The following WWOX variants were observed in gnomAD, a reference collection of about 807,000 sequenced individuals.
WWOX encodes WW domain containing oxidoreductase.
WWOX carries 69 observed loss-of-function variants against 46.2 expected under a neutral mutation model. That is an observed-to-expected ratio of 1.49 (90% CI 1.23 to 1.82). WWOX has a LOEUF of 1.82. Among genes scored for constraint, WWOX ranks in the 40% most tolerant of loss-of-function variants. WWOX has a pLI of 0.00. For missense variants in WWOX, 919 were observed against 542.6 expected (o/e 1.69, Z -6.89); for synonymous variants, 359 against 202.6 (o/e 1.77, Z -6.56).
intron 8 of WWOX, among the ~76,000 whole-genome samples, chr16:78,544,395 T>G (rs2043971729): frequency 6.6e-6 from 1 of 152,178 alleles, no homozygotes; most frequent in Non-Finnish European, 1.5e-5. Flanking sequence ...ACAACCTTAT[T>G]AAGTAGACAT....
intron 8 of WWOX, among the ~76,000 whole-genome samples, chr16:78,507,158 A>G (rs1232369301): frequency 6.6e-6 from 1 of 152,230 alleles, no homozygotes; most frequent in Non-Finnish European, 1.5e-5. Flanking sequence ...ACAAATGAAA[A>G]GAATCAGGAG....
chr16:78,531,741 C>G (rs150247912), intron 8 of WWOX, among the ~76,000 whole-genome samples: 2,153 of 152,002 alleles, frequency 0.014, 21 homozygotes, highest in African/African-American at 0.027. Flanking sequence ...GTCTGTAATC[C>G]CAGCTACTTG....
chr16:78,146,861 A>G (rs1003261073), intron 4 of WWOX, among the ~76,000 whole-genome samples: 1 of 152,318 alleles, frequency 6.6e-6, no homozygotes, highest in Middle Eastern at 3.4e-3. Context: ...AAGTGAGGTA[A>G]AGAGTATAAT....
chr16:78,946,323 G>A (rs544767208), intron 8 of WWOX, among the ~76,000 whole-genome samples: 14 of 152,118 alleles, frequency 9.2e-5, no homozygotes, highest in Non-Finnish European at 2.1e-4. Flanking sequence ...CCAAGTAGCT[G>A]GGATTACAGG....
intron 8 of WWOX, among the ~76,000 whole-genome samples, chr16:78,570,385 T>C (rs1284205469): frequency 6.6e-6 from 1 of 152,206 alleles, no homozygotes; most frequent in Non-Finnish European, 1.5e-5. Context: ...CATAACTCAC[T>C]GCAGCCTCGG....
chr16:78,998,424 T>C (rs2047031681), intron 8 of WWOX, among the ~76,000 whole-genome samples: 1 of 152,124 alleles, frequency 6.6e-6, no homozygotes, highest in Non-Finnish European at 1.5e-5. Context: ...CACATGTGTT[T>C]GTAGAAGGAA....
chr16:78,424,221 G>T (rs2083023641), intron 6 of WWOX, among the ~76,000 whole-genome samples: 1 of 148,472 alleles, frequency 6.7e-6, no homozygotes, highest in Non-Finnish European at 1.5e-5. Context: ...GGGTTCAAGT[G>T]ATTCTCCGGC....
chr16:78,559,807 A>G (rs1459303104), intron 8 of WWOX, among the ~76,000 whole-genome samples: 1 of 152,216 alleles, frequency 6.6e-6, no homozygotes, highest in Non-Finnish European at 1.5e-5. Flanking sequence ...CAGCCCATTC[A>G]TCTTACAGAC....
chr16:78,536,901 C>CTTTTT (rs35326105), intron 8 of WWOX, among the ~76,000 whole-genome samples: 2 of 120,058 alleles, frequency 1.7e-5, no homozygotes, highest in Admixed American at 8.8e-5. Context: ...AGAGCCAAGT[C>CTTTTT]TTTTTTTTTT....
intron 8 of WWOX, among the ~76,000 whole-genome samples, chr16:78,602,011 G>C (rs969670768): frequency 4.6e-5 from 7 of 152,140 alleles, no homozygotes; most frequent in Admixed American, 2.0e-4. Context: ...CAATGGTTTC[G>C]TATTAGGGAT....
chr16:79,196,687 G>A (rs1397980588), intron 8 of WWOX, among the ~76,000 whole-genome samples: 1 of 151,958 alleles, frequency 6.6e-6, no homozygotes, highest in Non-Finnish European at 1.5e-5. Context: ...CAGACCCCCA[G>A]GGATTCAGAT....
At chr16:78,992,800 A>C (rs905940810) in intron 8 of WWOX, among the ~76,000 whole-genome samples, 1 of 152,088 alleles carries the variant, frequency 6.6e-6, no homozygotes, top group Non-Finnish European at 1.5e-5. Flanking sequence ...GAGGGACATA[A>C]ATAGCCTCAA....
At chr16:78,200,230 T>C (rs2036189994) in intron 5 of WWOX, among the ~76,000 whole-genome samples, 1 of 152,048 alleles carries the variant, frequency 6.6e-6, no homozygotes, top group African/African-American at 2.4e-5. Context: ...AGTAGGCAGC[T>C]TAAAAATTCC....
intron 8 of WWOX, chr16:78,551,891 C>A (rs913285395): frequency 1.3e-5 from 2 of 152,188 alleles, no homozygotes; most frequent in African/African-American, 4.8e-5. Context: ...GGTGTTGTTT[C>A]TGTTATGTGG....
intron 8 of WWOX, among the ~76,000 whole-genome samples, chr16:79,019,121 G>A (rs1175461379): frequency 8.2e-6 from 1 of 122,442 alleles, no homozygotes; most frequent in Admixed American, 1.2e-4. Context: ...TCACACCACT[G>A]CCTTCTAGCC....
rs76904269 is a variant in WWOX, at chr16:79,072,840, C to G, written c.1057-138768C>G. ...TGATTTCTTATTTTCAAATGCATGTCTTTAGAACCAGAATGTGTGTAGCTG... is the reference window on the plus strand; with the variant it reads ...TGATTTCTTATTTTCAAATGCATGTGTTTAGAACCAGAATGTGTGTAGCTG... On this transcript the variant is annotated intron_variant, in intron 8 of 8. Transcript: ENST00000566780. 1.1e-3 allele frequency among the ~76,000 whole-genome samples: 169 copies of G among 152,228 alleles called. 2 individuals carry two copies. The East Asian group carries it at 0.027, about 25-fold the overall frequency.
intron 8 of WWOX, among the ~76,000 whole-genome samples, chr16:79,159,167 C>G (rs968851056): frequency 6.6e-6 from 1 of 152,100 alleles, no homozygotes; most frequent in Non-Finnish European, 1.5e-5. Flanking sequence ...TTCGCTTTAA[C>G]AAGAGAATAT....
chr16:78,258,004 A>G (rs192728752), intron 5 of WWOX, among the ~76,000 whole-genome samples: 2 of 152,334 alleles, frequency 1.3e-5, no homozygotes, highest in South Asian at 2.1e-4. Context: ...CTATATTTAA[A>G]TGCAGCTCAT....
intron 8 of WWOX, among the ~76,000 whole-genome samples, chr16:78,851,539 A>G (rs1001783591): frequency 6.6e-6 from 1 of 152,172 alleles, no homozygotes; most frequent in Non-Finnish European, 1.5e-5. Context: ...GCTGTATTGC[A>G]CGTTTGTGTT....
Sources: gnomAD v4.1 joint callset for allele counts (sites outside exome capture counted in the v4.1 genomes callset) on GRCh38, gnomAD v4.1.1 for gene constraint, MANE v1.5 for transcripts, NCBI Gene and HGNC (gene_info 2026-07-23, HGNC 2026-07-21) for gene names.